The following GARS1 variants were observed in gnomAD, a reference collection of about 807,000 sequenced individuals.
The protein encoded by GARS1 is glycyl-tRNA synthetase 1.
In GARS1, 46 loss-of-function variants were observed where a neutral mutation model predicts 86.4. The ratio of observed to expected loss-of-function variants is 0.53; its 90% CI spans 0.42 to 0.68. The LOEUF (loss-of-function observed/expected upper bound fraction) is 0.68, where lower values mean the gene tolerates loss of function less well. Ranked by LOEUF, GARS1 falls within the 30% of genes least tolerant of loss-of-function variation. The pLI, the probability that GARS1 is intolerant of heterozygous loss-of-function variation, is 0.00. For missense variants in GARS1, 797 were observed against 915.6 expected (o/e 0.87, Z 1.67); for synonymous variants, 342 against 329.8 (o/e 1.04, Z -0.40).
At chr7:30,614,100 TTGA>T (rs1162249324) in intron 8 of GARS1, among the ~76,000 whole-genome samples, 1 of 152,240 alleles carries the variant, frequency 6.6e-6, no homozygotes, top group Non-Finnish European at 1.5e-5. Flanking sequence ...GCTGAGATTA[TTGA>T]TGAGTAAATT....
chr7:30,614,871 CAAA>C (rs60532382), intron 8 of GARS1, among the ~76,000 whole-genome samples: 4 of 81,550 alleles, frequency 4.9e-5, no homozygotes, highest in Middle Eastern at 5.7e-3. Context: ...GACTCCGTCT[CAAA>C]AAAAAAAAAA....
At chr7:30,619,004 T>G (rs1471604941) in intron 10 of GARS1, among the ~76,000 whole-genome samples, 1 of 152,218 alleles carries the variant, frequency 6.6e-6, no homozygotes, top group Non-Finnish European at 1.5e-5. Context: ...GAGAAAAGAT[T>G]ATTACTTTTC....
chr7:30,607,906 A>G (rs990840996), intron 6 of GARS1, among the ~76,000 whole-genome samples: 28 of 152,300 alleles, frequency 1.8e-4, no homozygotes, highest in Middle Eastern at 3.4e-3. Flanking sequence ...AGATATTTGT[A>G]TGCCCTCCTT....
At chr7:30,607,113 T>A (rs1284514879) in intron 6 of GARS1, among the ~76,000 whole-genome samples, 3 of 152,242 alleles carry the variant, frequency 2.0e-5, no homozygotes, top group African/African-American at 7.2e-5. Context: ...GCCAGCACTG[T>A]GTAGTCTTAC....
At position 30,632,632 on chromosome 7, in the gene GARS1, C is replaced by G. The variant is rs1330172908; in HGVS notation, c.2094+195C>G. Among the ~76,000 whole-genome samples the G allele has an allele frequency of 6.6e-6, 1 of 152,090 alleles. No homozygotes were observed. The highest frequency in any genetic ancestry group is 1.5e-5 in the Non-Finnish European group (1 of 68,030). On this transcript the variant is annotated intron_variant, in intron 16 of 16. Coordinates refer to ENST00000389266, the MANE Select transcript of GARS1 (RefSeq NM_002047.4). The surrounding 1 kb of genome is among the most constrained non-coding windows in gnomAD (Gnocchi z 4.1). ...TATGAAAATATCCATTAGCACTTCT[C>G]TAATATTTTATAAACATTTGTGTTG...
chr7:30,615,875 C>T lies in GARS1; in HGVS notation c.1032-21C>T, dbSNP rs372399270. The T allele has an allele frequency of 1.4e-5, 23 of 1,613,776 alleles. 1 individual carries two copies. The South Asian group carries it at 1.9e-4, about 13-fold the overall frequency. On this transcript the variant is annotated intron_variant, in intron 8 of 16. Coordinates refer to ENST00000389266, the MANE Select transcript of GARS1 (RefSeq NM_002047.4). ...TTTGTAGTTAAATATGCAGGTTTAT[C>T]GCTTACGTTTTTGCTTTCAGAGAAT...
In GARS1 at chr7:30,631,568, C is replaced by T. The variant is rs188573760; in HGVS notation, c.1903+27C>T. 4.2e-5 allele frequency: 59 copies of T among 1,412,366 alleles called. No homozygotes were observed. In the Admixed American group the frequency reaches 4.4e-4, roughly 10 times the overall value. The allele number at this position is 1,412,366 out of a possible 1,614,324, so 87.5% of individuals were successfully genotyped here. The stretch of plus-strand genomic sequence containing the variant: ...TAAGCAAATTCAATTGGGTAAACTC[C>T]ATGGGAACACCATCAAGGAGACTGA... On this transcript the variant is annotated intron_variant, in intron 15 of 16. Transcript: ENST00000389266.
At chr7:30,627,809 CT>C (rs548892682) in intron 13 of GARS1, among the ~76,000 whole-genome samples, 2 of 152,198 alleles carry the variant, frequency 1.3e-5, no homozygotes, top group Non-Finnish European at 2.9e-5. Flanking sequence ...CCATGTAATA[CT>C]TTTTGCATGT....
intron 8 of GARS1, among the ~76,000 whole-genome samples, chr7:30,614,786 G>C (rs1782856000): frequency 6.6e-6 from 1 of 150,512 alleles, no homozygotes. Context: ...TGAGGCAGGA[G>C]AATGGCGTGA....
At position 30,632,208 on chromosome 7, in the gene GARS1, A is replaced by G. The variant is rs771162004; in HGVS notation, c.1904-39A>G. ...GTTAGATAACACTGGGCTTAACTCC[A>G]TTGTTTTATTTTTAATTTACTTTGT... is the stretch of plus-strand genomic sequence containing the variant. On this transcript the variant is annotated intron_variant, in intron 15 of 16. Transcript: ENST00000389266. The surrounding 1 kb of genome is among the most constrained non-coding windows in gnomAD (Gnocchi z 4.1). The G allele has an allele frequency of 3.7e-6, 6 of 1,601,496 alleles. No individual in the cohort carries two copies. The highest frequency in any genetic ancestry group is 2.2e-5 in the East Asian group (1 of 44,746).
chr7:30,602,403 A>G (rs1791398826), intron 4 of GARS1, among the ~76,000 whole-genome samples: 1 of 152,192 alleles, frequency 6.6e-6, no homozygotes, highest in Non-Finnish European at 1.5e-5. Flanking sequence ...GCCATTTTGT[A>G]ACTCGTCATT....
chr7:30,612,376 C>A, intron 8 of GARS1, 131 bp downstream of exon 8: 1 of 916,000 alleles, frequency 1.1e-6, no homozygotes, highest in Non-Finnish European at 1.7e-6. Context: ...CTCCAAAAAT[C>A]ATGTTTTACA....
chr7:30,609,775 A>C (rs750198565), intron 7 of GARS1, 45 bp downstream of exon 7: 1 of 1,587,070 alleles, frequency 6.3e-7, no homozygotes, highest in Non-Finnish European at 8.6e-7. Context: ...TGAAGTTTTT[A>C]AAATTGCTTA....
chr7:30,627,227 G>T (rs1056366314), intron 13 of GARS1: 2 of 350,856 alleles, frequency 5.7e-6, no homozygotes, highest in Non-Finnish European at 1.1e-5. Flanking sequence ...GGCTTGTCTT[G>T]TAGCCAGGCT....
chr7:30,623,773 G>C (rs1479621914), intron 12 of GARS1, among the ~76,000 whole-genome samples: 1 of 152,162 alleles, frequency 6.6e-6, no homozygotes, highest in Non-Finnish European at 1.5e-5. Context: ...AGACCCGTGA[G>C]AATCAAATAG....
chr7:30,618,022 G>A (rs979582221), intron 10 of GARS1, among the ~76,000 whole-genome samples: 1 of 152,114 alleles, frequency 6.6e-6, no homozygotes, highest in Non-Finnish European at 1.5e-5. Flanking sequence ...ACTGGTTCCA[G>A]TATACCCTTG....
chr7:30,598,996 G>A, intron 2 of GARS1, 99 bp downstream of exon 2: 1 of 905,622 alleles, frequency 1.1e-6, no homozygotes, highest in Non-Finnish European at 1.8e-6. Flanking sequence ...TTCTGAACAA[G>A]TATCATTTGG....
chr7:30,610,184 G>A (rs747079163), intron 7 of GARS1, among the ~76,000 whole-genome samples: 1 of 152,132 alleles, frequency 6.6e-6, no homozygotes, highest in African/African-American at 2.4e-5. Flanking sequence ...ACTCATAATG[G>A]GTCCAGTTCT....
intron 8 of GARS1, 139 bp from the exon 9 acceptor site, chr7:30,615,757 C>A: frequency 1.1e-6 from 1 of 937,946 alleles, no homozygotes; most frequent in Non-Finnish European, 1.5e-6. Flanking sequence ...AGGAAACCAA[C>A]TTTCTGTTTA....
Sources: gnomAD v4.1 joint callset for allele counts (sites outside exome capture counted in the v4.1 genomes callset) on GRCh38, gnomAD v4.1.1 for gene constraint, Gnocchi (gnomAD v3.1) non-coding constraint, MANE v1.5 for transcripts, NCBI Gene and HGNC (gene_info 2026-07-23, HGNC 2026-07-21) for gene names.